EPHA6: variants seen among roughly 807,000 people sequenced by gnomAD.
EPHA6 encodes EPH receptor A6.
EPHA6 carries 50 observed loss-of-function variants against 112.0 expected under a neutral mutation model. That is an observed-to-expected ratio of 0.45 (90% CI 0.36 to 0.56). The LOEUF is 0.56. EPHA6 is among the 20% of genes least tolerant of loss of function. The pLI is 0.00. For missense variants in EPHA6, 1,280 were observed against 1,417.4 expected, an observed-to-expected ratio of 0.90 and a Z score of 1.56; for synonymous variants, 529 against 490.7, an observed-to-expected ratio of 1.08 and a Z score of -1.03.
intron 3 of EPHA6, among the ~76,000 whole-genome samples, chr3:97,181,605 G>A (rs564370931): frequency 3.1e-4 from 38 of 123,794 alleles, no homozygotes; most frequent in African/African-American, 1.1e-3. Flanking sequence ...GTGTATATAT[G>A]TGTGTGTGTG....
chr3:97,390,310 C>G (rs1016832382), intron 5 of EPHA6, among the ~76,000 whole-genome samples: 12 of 151,984 alleles, frequency 7.9e-5, no homozygotes, highest in Admixed American at 6.6e-4. Flanking sequence ...GCAGGAATAC[C>G]AGCATCTCCC....
chr3:97,145,811 C>T (rs2076030020), intron 3 of EPHA6, among the ~76,000 whole-genome samples: 1 of 151,070 alleles, frequency 6.6e-6, no homozygotes, highest in Non-Finnish European at 1.5e-5. Context: ...TTGGGTGCAA[C>T]GTGTAGCTTA....
At chr3:97,342,312 G>A (rs2083344716) in intron 5 of EPHA6, among the ~76,000 whole-genome samples, 1 of 152,204 alleles carries the variant, frequency 6.6e-6, no homozygotes, top group South Asian at 2.1e-4. Context: ...ATTTTACAGT[G>A]TGATGAGTTT....
intron 3 of EPHA6, among the ~76,000 whole-genome samples, chr3:97,171,642 A>G (rs1426795385): frequency 2.6e-5 from 4 of 152,148 alleles, no homozygotes; most frequent in African/African-American, 9.7e-5. Context: ...TAGTACAATT[A>G]CCAGAATTAT....
chr3:96,894,903 C>T (rs2038180035), intron 2 of EPHA6, among the ~76,000 whole-genome samples: 1 of 152,286 alleles, frequency 6.6e-6, no homozygotes, highest in Admixed American at 6.5e-5. Context: ...CAGACCTCAA[C>T]AAGCTTCCTA....
intron 3 of EPHA6, among the ~76,000 whole-genome samples, chr3:97,106,756 A>C (rs1176474163): frequency 2.6e-5 from 4 of 152,124 alleles, no homozygotes; most frequent in Non-Finnish European, 5.9e-5. Flanking sequence ...ACTGAGACTT[A>C]CTGCCGAGGG....
At position 97,153,422 on chromosome 3, in the gene EPHA6, C is replaced by T. The variant is rs148655809; in HGVS notation, c.1115-72842C>T. Among the ~76,000 whole-genome samples, 359 of 152,150 alleles carry T rather than the reference C, an allele frequency of 2.4e-3. 4 individuals carry two copies. Among genetic ancestry groups the T allele is most frequent in the East Asian group, 4.4e-3 (23 of 5,176 alleles). ...ATCATTCAACCTTGTATTTTCAAAA[C>T]GGTTATTAATATAAAAGCAAAGTGA... On this transcript the variant is annotated intron_variant, in intron 3 of 17. Coordinates refer to ENST00000389672, the MANE Select transcript of EPHA6 (RefSeq NM_001080448.3).
intron 2 of EPHA6, among the ~76,000 whole-genome samples, chr3:96,883,872 A>G (rs776127599): frequency 6.6e-6 from 1 of 152,028 alleles, no homozygotes; most frequent in East Asian, 1.9e-4. Context: ...GGGTTTCACC[A>G]TGTTGGCCAG....
chr3:97,377,504 G>A (rs1295138106), intron 5 of EPHA6, among the ~76,000 whole-genome samples: 2 of 152,162 alleles, frequency 1.3e-5, no homozygotes, highest in East Asian at 1.9e-4. Flanking sequence ...AAATGTGGAA[G>A]TGACTTTGGA....
Position 97,674,015 on chromosome 3 carries a change from T to C in EPHA6, c.2784+35933T>C, listed in dbSNP as rs184139641. ...GAGGAAAAAGATGCATTTTGTAAGATAGAGCTGTACTTAAAATGATGTATG... is the reference window on the plus strand; with the variant it reads ...GAGGAAAAAGATGCATTTTGTAAGACAGAGCTGTACTTAAAATGATGTATG... On this transcript the variant is annotated intron_variant, in intron 14 of 17. Coordinates refer to ENST00000389672, the MANE Select transcript of EPHA6 (RefSeq NM_001080448.3). 3.3e-5 allele frequency among the ~76,000 whole-genome samples: 5 copies of C among 152,346 alleles called. No homozygotes were observed. In the East Asian group the frequency reaches 9.6e-4, roughly 29 times the overall value.
intron 14 of EPHA6, among the ~76,000 whole-genome samples, chr3:97,684,598 C>T (rs1195654646): frequency 1.3e-5 from 2 of 152,114 alleles, no homozygotes; most frequent in African/African-American, 4.8e-5. Flanking sequence ...ATCGCTACCA[C>T]TTGGTATAGG....
At chr3:97,428,033 T>A (rs1312547792) in intron 6 of EPHA6, among the ~76,000 whole-genome samples, 3 of 151,182 alleles carry the variant, frequency 2.0e-5, no homozygotes, top group Non-Finnish European at 4.4e-5. Flanking sequence ...AACCTGCACA[T>A]GTATTTCCTG....
intron 12 of EPHA6, among the ~76,000 whole-genome samples, chr3:97,593,143 G>A (rs1241622778): frequency 2.0e-5 from 3 of 151,936 alleles, no homozygotes; most frequent in African/African-American, 4.8e-5. Context: ...GAGAATTAAA[G>A]TATCCTTTCA....
rs146007442 is a variant in EPHA6, at chr3:97,109,916, G to A, written c.1115-116348G>A. Among the ~76,000 whole-genome samples, 203 of 152,024 alleles carry A rather than the reference G, an allele frequency of 1.3e-3. 1 individual carries two copies. The highest frequency in any genetic ancestry group is 2.1e-3 in the Non-Finnish European group (142 of 67,980). ...AACAATTTCCACCAAAATAATCACC[G>A]GGATTAGAAGGGCTGGGTTATATGG... is the stretch of plus-strand genomic sequence containing the variant. On this transcript the variant is annotated intron_variant, in intron 3 of 17. Transcript: ENST00000389672.
intron 3 of EPHA6, among the ~76,000 whole-genome samples, chr3:97,155,245 G>A: frequency 6.6e-6 from 1 of 151,662 alleles, no homozygotes; most frequent in South Asian, 2.1e-4. Context: ...TCTCTTTTCT[G>A]TTAGAGTGAA....
At chr3:97,017,233 T>A (rs146166850) in intron 3 of EPHA6, among the ~76,000 whole-genome samples, 13 of 152,264 alleles carry the variant, frequency 8.5e-5, no homozygotes, top group African/African-American at 2.9e-4. Context: ...GACTTACTGA[T>A]GGCACACCTC....
At chr3:96,836,657 G>A (rs2034432984) in intron 1 of EPHA6, among the ~76,000 whole-genome samples, 1 of 152,146 alleles carries the variant, frequency 6.6e-6, no homozygotes, top group African/African-American at 2.4e-5. Flanking sequence ...AAACAGATGA[G>A]CCGTTCTACC....
At chr3:96,897,700 G>A (rs1211316053) in intron 2 of EPHA6, among the ~76,000 whole-genome samples, 2 of 152,170 alleles carry the variant, frequency 1.3e-5, no homozygotes, top group Non-Finnish European at 2.9e-5. Context: ...TAAAAAGGGA[G>A]AGGTGCTAAC....
intron 10 of EPHA6, among the ~76,000 whole-genome samples, chr3:97,493,623 C>CTG (rs373276812): frequency 0.01 from 1,515 of 147,336 alleles, 12 homozygotes; most frequent in Non-Finnish European, 0.014. Flanking sequence ...ATTTAGTCCT[C>CTG]TGTGTGTGTG....
Sources: gnomAD v4.1 joint callset for allele counts (sites outside exome capture counted in the v4.1 genomes callset) on GRCh38, gnomAD v4.1.1 for gene constraint, MANE v1.5 for transcripts, NCBI Gene and HGNC (gene_info 2026-07-23, HGNC 2026-07-21) for gene names.